DLGAP2: variants seen among roughly 807,000 people sequenced by gnomAD.
DLGAP2 encodes disks large-associated protein 2.
DLGAP2 carries 26 observed loss-of-function variants against 100.3 expected under a neutral mutation model. The ratio of observed to expected loss-of-function variants is 0.26; its 90% CI spans 0.19 to 0.36. The LOEUF is 0.36. DLGAP2 is among the 10% of genes least tolerant of loss of function. The probability of loss-of-function intolerance (pLI) is 1.00; values close to 1 mark genes in which losing one functional copy is unlikely to be tolerated. For synonymous variants in DLGAP2, 886 were observed against 630.1 expected (o/e 1.41, Z -6.08); for missense variants, 1,858 against 1,453.2 (o/e 1.28, Z -4.53).
rs141161462 is a variant in DLGAP2, at chr8:1,475,186, C to T, written c.107-26180C>T. On this transcript the variant is annotated intron_variant, in intron 3 of 14. Coordinates refer to ENST00000637795, the MANE Select transcript of DLGAP2 (RefSeq NM_001346810.2). ...CATTGGGCACACGTGGACACAGAGA[C>T]GGGAACAAGACACCGGGAACTACTG... Among the ~76,000 whole-genome samples the T allele has an allele frequency of 9.5e-3, 1,451 of 152,206 alleles. 7 individuals carry two copies. The highest frequency in any genetic ancestry group is 0.016 in the Non-Finnish European group (1,087 of 68,004).
intron 3 of DLGAP2, among the ~76,000 whole-genome samples, chr8:1,270,595 C>G (rs10101171): frequency 0.036 from 5,490 of 152,236 alleles, 159 homozygotes; most frequent in South Asian, 0.095. Context: ...GTGGGGGCTT[C>G]TTAAGAACGT....
intron 2 of DLGAP2, among the ~76,000 whole-genome samples, chr8:1,076,629 G>A (rs1011178340): frequency 7.2e-5 from 11 of 152,198 alleles, no homozygotes; most frequent in African/African-American, 2.4e-4. Context: ...CGGTCTGTAC[G>A]TCTCCTTCCC....
chr8:1,420,011 C>A (rs1046358117), intron 3 of DLGAP2, among the ~76,000 whole-genome samples: 1 of 152,188 alleles, frequency 6.6e-6, no homozygotes, highest in Non-Finnish European at 1.5e-5. Context: ...GAATGAAATC[C>A]TTAGGGTTTT....
chr8:1,275,094 A>T (rs1242716874), intron 3 of DLGAP2, among the ~76,000 whole-genome samples: 1 of 152,148 alleles, frequency 6.6e-6, no homozygotes, highest in Non-Finnish European at 1.5e-5. Flanking sequence ...ATCCCTGAGG[A>T]CCTGCAATTT....
At chr8:806,892 A>G (rs1048125469) in intron 1 of DLGAP2, among the ~76,000 whole-genome samples, 2 of 152,240 alleles carry the variant, frequency 1.3e-5, no homozygotes, top group African/African-American at 4.8e-5. Flanking sequence ...CCTAAGAGCA[A>G]GGCTGGAAGG....
intron 6 of DLGAP2, among the ~76,000 whole-genome samples, chr8:1,578,005 T>C (rs951576714): frequency 6.6e-6 from 1 of 152,264 alleles, no homozygotes; most frequent in Non-Finnish European, 1.5e-5. Flanking sequence ...GACACTCTTA[T>C]ACTAAGTTTA....
At chr8:1,042,778 T>TGTGGGTGGTGGGTGTGGGTGGTGG (rs1802393520) in intron 2 of DLGAP2, among the ~76,000 whole-genome samples, 1 of 108,466 alleles carries the variant, frequency 9.2e-6, no homozygotes, top group Non-Finnish European at 1.9e-5. Flanking sequence ...GGGTGATGGA[T>TGTGGGTGGTGGGTGTGGGTGGTGG]GTGGGTGGTG....
At chr8:998,105 A>G (rs995106947) in intron 2 of DLGAP2, among the ~76,000 whole-genome samples, 4 of 152,170 alleles carry the variant, frequency 2.6e-5, no homozygotes, top group African/African-American at 9.7e-5. Flanking sequence ...ACAGAAACAT[A>G]CACACGTGTA....
At chr8:1,382,645 G>A (rs559320415) in intron 3 of DLGAP2, among the ~76,000 whole-genome samples, 12 of 152,290 alleles carry the variant, frequency 7.9e-5, no homozygotes, top group African/African-American at 2.4e-4. Context: ...TGCAGGCTGA[G>A]GTGGGAAGAT....
At chr8:1,697,414 G>T in intron 14 of DLGAP2, 115 bp downstream of exon 14, 3 of 1,426,602 alleles carry the variant, frequency 2.1e-6, no homozygotes, top group Non-Finnish European at 2.8e-6. Context: ...GGCAACACAC[G>T]AGCAAATTTC....
chr8:746,704 CT>C (rs1297926150), intron 1 of DLGAP2, among the ~76,000 whole-genome samples: 1 of 152,240 alleles, frequency 6.6e-6, no homozygotes, highest in Non-Finnish European at 1.5e-5. Context: ...TATCAGCATA[CT>C]TTTGGCTGCA....
rs1283149652 is a variant in DLGAP2 at position 1,237,690 on chromosome 8, GTGTCTAGTTCTCTCACATGGTGCCA to G, written c.74-21140_74-21116del. On this transcript the variant is annotated intron_variant, in intron 2 of 14. Transcript: ENST00000637795. ...GTCTAGTTCTCTCTCACATGGCACC[GTGTCTAGTTCTCTCACATGGTGCCA>G]TGTCTAGTTCTCTCACATGGCACCG... is the stretch of plus-strand genomic sequence containing the variant. Among the ~76,000 whole-genome samples the G allele has an allele frequency of 9.2e-4, 97 of 105,178 alleles. 1 individual carries two copies. The highest frequency in any genetic ancestry group is 3.6e-3 in the African/African-American group (93 of 25,788). 69.0% of individuals were successfully genotyped at this position (105,178 alleles called of 152,430 possible).
At chr8:1,689,068 C>A (rs1317451212) in intron 12 of DLGAP2, among the ~76,000 whole-genome samples, 1 of 152,186 alleles carries the variant, frequency 6.6e-6, no homozygotes, top group African/African-American at 2.4e-5. Context: ...GTAACTGTCT[C>A]TAGGACTGAC....
intron 1 of DLGAP2, among the ~76,000 whole-genome samples, chr8:775,115 T>A (rs1480715652): frequency 3.3e-5 from 5 of 152,312 alleles, no homozygotes; most frequent in African/African-American, 4.8e-5. Context: ...GAAGCAATTG[T>A]GAATGGGAGT....
intron 3 of DLGAP2, among the ~76,000 whole-genome samples, chr8:1,320,196 C>T (rs1800862906): frequency 6.6e-6 from 1 of 151,880 alleles, no homozygotes. Context: ...GGCACTGTTT[C>T]CGGAAATGGG....
chr8:872,328 C>CTTTTTTTTT lies in DLGAP2; in HGVS notation c.19-35580_19-35579insTTTTTTTTT. ...AACAGAGGAAAGTTTTCTCTCACTT[C>CTTTTTTTTT]TTTTCTTTTTTTTTTTTTTTTTGAG... On this transcript the variant is annotated intron_variant, in intron 1 of 14. Coordinates refer to ENST00000637795, the MANE Select transcript of DLGAP2 (RefSeq NM_001346810.2). Among the ~76,000 whole-genome samples the CTTTTTTTTT allele has an allele frequency of 1.5e-5, 2 of 129,510 alleles. 1 individual carries two copies. Among genetic ancestry groups the CTTTTTTTTT allele is most frequent in the African/African-American group, 5.5e-5 (2 of 36,068 alleles). 85.0% of individuals were successfully genotyped at this position (129,510 alleles called of 152,430 possible). A position where few individuals can be genotyped will look rare whatever the true frequency, so the allele number is the denominator to read the frequency against.
chr8:965,893 C>T (rs1371705795), intron 2 of DLGAP2, among the ~76,000 whole-genome samples: 1 of 152,118 alleles, frequency 6.6e-6, no homozygotes, highest in Non-Finnish European at 1.5e-5. Flanking sequence ...TGTTCACCAC[C>T]GCATGTGGCT....
At chr8:857,828 C>A (rs1322155193) in intron 1 of DLGAP2, among the ~76,000 whole-genome samples, 1 of 152,142 alleles carries the variant, frequency 6.6e-6, no homozygotes, top group East Asian at 1.9e-4. Flanking sequence ...TAGGTGTTCA[C>A]CCAGATACTT....
At chr8:1,212,804 A>G (rs902284845) in intron 2 of DLGAP2, among the ~76,000 whole-genome samples, 1 of 116,992 alleles carries the variant, frequency 8.5e-6, no homozygotes, top group Non-Finnish European at 1.6e-5. Context: ...AATTGGATTA[A>G]TGTTCTTAAA....
Sources: allele counts gnomAD v4.1 joint callset (sites outside exome capture counted in the v4.1 genomes callset), GRCh38; gene constraint gnomAD v4.1.1; transcripts MANE v1.5; gene names NCBI Gene and HGNC (gene_info 2026-07-23, HGNC 2026-07-21).